Variants in CLNK observed in about 807,000 individuals in gnomAD.
CLNK encodes the protein cytokine dependent hematopoietic cell linker.
Under a neutral mutation model 68.6 loss-of-function variants are expected in CLNK, and 74 were observed. The ratio of observed to expected loss-of-function variants is 1.08; its 90% confidence interval spans 0.89 to 1.31. The LOEUF (loss-of-function observed/expected upper bound fraction) is 1.31. Ranked by LOEUF, CLNK falls within the 50% of genes most tolerant of loss-of-function variation. The probability of loss-of-function intolerance (pLI) is 0.00; values close to 1 mark genes in which losing one functional copy is unlikely to be tolerated. For synonymous variants in CLNK, 198 were observed against 172.2 expected, an observed-to-expected ratio of 1.15 and a Z score of -1.17; for missense variants, 553 against 515.3, an observed-to-expected ratio of 1.07 and a Z score of -0.71.
intron 17 of CLNK, among the ~76,000 whole-genome samples, chr4:10,502,912 G>A (rs1272317324): frequency 6.6e-6 from 1 of 152,076 alleles, no homozygotes; most frequent in Non-Finnish European, 1.5e-5. Flanking sequence ...GTTTCCAAAA[G>A]CGGGTCAACA....
At chr4:10,733,867 T>G in the CLNK span, among the ~76,000 whole-genome samples, 2 of 152,214 alleles carry the variant, frequency 1.3e-5, no homozygotes, top group African/African-American at 4.8e-5. Flanking sequence ...TTCCTGCATA[T>G]CCATCATACA....
intron 8 of CLNK, among the ~76,000 whole-genome samples, chr4:10,549,801 CA>C (rs1719375495): frequency 6.6e-6 from 1 of 152,228 alleles, no homozygotes; most frequent in South Asian, 2.1e-4. Flanking sequence ...AAGTCTTTCC[CA>C]TCTCCAGTTT....
At chr4:10,518,860 T>C (rs1330863017) in intron 15 of CLNK, among the ~76,000 whole-genome samples, 1 of 152,210 alleles carries the variant, frequency 6.6e-6, no homozygotes, top group African/African-American at 2.4e-5. Context: ...CTTATAATTC[T>C]AGGAGTGTAG....
At chr4:10,632,452 C>T (rs528470382) in intron 2 of CLNK, among the ~76,000 whole-genome samples, 4 of 152,356 alleles carry the variant, frequency 2.6e-5, no homozygotes, top group Middle Eastern at 3.4e-3. Flanking sequence ...CAGTATCCCA[C>T]GCATATCAGA....
intron 2 of CLNK, among the ~76,000 whole-genome samples, chr4:10,637,571 C>T (rs1723140294): frequency 6.8e-6 from 1 of 146,130 alleles, no homozygotes; most frequent in South Asian, 2.2e-4. Context: ...CTGGAACATG[C>T]CCACCATTCC....
chr4:10,731,545 C>A, the CLNK span, among the ~76,000 whole-genome samples: 162 of 152,290 alleles, frequency 1.1e-3, no homozygotes, highest in African/African-American at 3.8e-3. Flanking sequence ...GAGGAACTCT[C>A]TTTCATCTGT....
chr4:10,676,081 A>ATG (rs894066199), intron 1 of CLNK, among the ~76,000 whole-genome samples: 4 of 135,982 alleles, frequency 2.9e-5, no homozygotes, highest in African/African-American at 7.7e-5. Flanking sequence ...GTGTGTGTCT[A>ATG]TGTGTGTGTG....
the CLNK span, among the ~76,000 whole-genome samples, chr4:10,728,290 TAGA>T: frequency 6.6e-6 from 1 of 152,190 alleles, no homozygotes; most frequent in Non-Finnish European, 1.5e-5. Flanking sequence ...CAAACGTTTT[TAGA>T]AGAATACACA....
At chr4:10,727,387 G>C in the CLNK span, among the ~76,000 whole-genome samples, 2 of 152,192 alleles carry the variant, frequency 1.3e-5, no homozygotes, top group African/African-American at 4.8e-5. Context: ...TTACCAGCAG[G>C]GTGGAGTGAG....
chr4:10,531,454 G>C (rs1278625462), intron 12 of CLNK: 1 of 152,934 alleles, frequency 6.5e-6, no homozygotes, highest in African/African-American at 2.4e-5. Flanking sequence ...TATTTATTTT[G>C]AGATGGAGCT....
chr4:10,499,950 C>T (rs1481756711), intron 18 of CLNK, among the ~76,000 whole-genome samples: 1 of 152,104 alleles, frequency 6.6e-6, no homozygotes, highest in African/African-American at 2.4e-5. Context: ...GCCCTATCTT[C>T]AAATACAGTC....
intron 2 of CLNK, among the ~76,000 whole-genome samples, chr4:10,621,748 G>T (rs1405890675): frequency 6.6e-6 from 1 of 152,174 alleles, no homozygotes; most frequent in African/African-American, 2.4e-5. Flanking sequence ...GTGGGGTCTG[G>T]GGCCTGTGGC....
At chr4:10,610,796 A>G (rs1577166066) in intron 2 of CLNK, among the ~76,000 whole-genome samples, 1 of 151,232 alleles carries the variant, frequency 6.6e-6, no homozygotes, top group East Asian at 1.9e-4. Flanking sequence ...ACACACACAC[A>G]CACACACACA....
At chr4:10,518,068 C>G (rs1323943115) in intron 15 of CLNK, among the ~76,000 whole-genome samples, 1 of 151,450 alleles carries the variant, frequency 6.6e-6, no homozygotes, top group Non-Finnish European at 1.5e-5. Flanking sequence ...TGAAATAGGA[C>G]TCTCCTAACA....
chr4:10,626,307 TC>T (rs1722673146), intron 2 of CLNK, among the ~76,000 whole-genome samples: 1 of 152,202 alleles, frequency 6.6e-6, no homozygotes, highest in African/African-American at 2.4e-5. Flanking sequence ...AGTTCCTCTC[TC>T]CCCTTTTTGT....
At chr4:10,724,788 A>T in the CLNK span, among the ~76,000 whole-genome samples, 1 of 152,174 alleles carries the variant, frequency 6.6e-6, no homozygotes, top group African/African-American at 2.4e-5. Context: ...ATGTTGTCCC[A>T]TTGTTTTATT....
intron 2 of CLNK, among the ~76,000 whole-genome samples, chr4:10,609,202 C>T (rs1057426223): frequency 6.6e-6 from 1 of 152,210 alleles, no homozygotes; most frequent in African/African-American, 2.4e-5. Flanking sequence ...CCCCATACTC[C>T]TACCTTTATT....
intron 1 of CLNK, among the ~76,000 whole-genome samples, chr4:10,670,711 T>C (rs901327631): frequency 1.3e-5 from 2 of 151,476 alleles, no homozygotes; most frequent in Non-Finnish European, 2.9e-5. Flanking sequence ...ATAGTTTCAT[T>C]AAAAAAAAAT....
intron 17 of CLNK, among the ~76,000 whole-genome samples, chr4:10,503,494 A>G (rs1717144126): frequency 1.3e-5 from 2 of 149,498 alleles, no homozygotes; most frequent in Admixed American, 1.3e-4. Context: ...TATAGATTAT[A>G]TATATAATGA....
Sources: gnomAD v4.1 joint callset for allele counts (sites outside exome capture counted in the v4.1 genomes callset) on GRCh38, gnomAD v4.1.1 for gene constraint, MANE v1.5 for transcripts, NCBI Gene and HGNC (gene_info 2026-07-23, HGNC 2026-07-21) for gene names.